The following ATL1 variants were observed in gnomAD, a reference collection of about 807,000 sequenced individuals.
ATL1 encodes atlastin-1.
In ATL1, 31 loss-of-function variants were observed where a neutral mutation model predicts 75.5. The ratio of observed to expected loss-of-function variants is 0.41; its 90% confidence interval spans 0.31 to 0.55. The LOEUF (loss-of-function observed/expected upper bound fraction) is 0.55, where lower values mean the gene tolerates loss of function less well. ATL1 is among the 20% of genes least tolerant of loss of function. ATL1 has a pLI of 0.27. For synonymous variants in ATL1, 226 were observed against 233.3 expected, an observed-to-expected ratio of 0.97 and a Z score of 0.28; for missense variants, 405 against 662.6, an observed-to-expected ratio of 0.61 and a Z score of 4.27.
At chr14:50,547,865 T>A in intron 1 of ATL1, among the ~76,000 whole-genome samples, 1 of 152,232 alleles carries the variant, frequency 6.6e-6, no homozygotes. Context: ...GGAGGGCCAA[T>A]AATGGACTTT....
intron 1 of ATL1, among the ~76,000 whole-genome samples, chr14:50,551,367 G>A (rs2038700261): frequency 6.6e-6 from 1 of 151,944 alleles, no homozygotes; most frequent in African/African-American, 2.4e-5. Context: ...CAAGCAGTGA[G>A]ATTGAATCGA....
chr14:50,628,906 C>T (rs567309773), intron 12 of ATL1, among the ~76,000 whole-genome samples: 2 of 152,092 alleles, frequency 1.3e-5, no homozygotes, highest in East Asian at 3.9e-4. Context: ...TTTGTAGAAA[C>T]GGGGTTTCAC....
chr14:50,584,281 G>A (rs1354388819), intron 1 of ATL1, among the ~76,000 whole-genome samples: 1 of 152,176 alleles, frequency 6.6e-6, no homozygotes, highest in Admixed American at 6.5e-5. Flanking sequence ...GGGAGGTTGA[G>A]GTGGGAGGAT....
In ATL1 at chr14:50,587,867, A is replaced by C; in HGVS notation, c.71A>C (p.Glu24Ala). The C allele has an allele frequency of 1.2e-6, 2 of 1,614,196 alleles. No individual in the cohort carries two copies. Among genetic ancestry groups the C allele is most frequent in the South Asian group, 2.2e-5 (2 of 91,080 alleles). The change falls in exon 2 of 14, where the codon GAA becomes GCA. Residue 24 changes from glutamate to alanine, a missense_variant. By Grantham distance (107) the Glu-to-Ala change is moderately radical (BLOSUM62 -1). This residue lies in a region of ATL1 where 126 missense variants were observed against 172.0 expected (regional missense o/e 0.73). Coordinates refer to ENST00000358385, the MANE Select transcript of ATL1 (RefSeq NM_015915.5). ...GAAAAGACATATGAATGGAGCTCAGAAGAGGAGGAGCCAGTGAAAAAGGCA... is the reference window on the plus strand; with the variant it reads ...GAAAAGACATATGAATGGAGCTCAGCAGAGGAGGAGCCAGTGAAAAAGGCA... Reference protein sequence around the residue: ...FSEKTYEWSSEEEEPVKKAGP... With the variant: ...FSEKTYEWSSAEEEPVKKAGP...
intron 1 of ATL1, among the ~76,000 whole-genome samples, chr14:50,574,002 G>C (rs556971062): frequency 1.3e-5 from 2 of 152,210 alleles, no homozygotes; most frequent in South Asian, 4.2e-4. Flanking sequence ...TACTGAGCTG[G>C]GGTAGCTGGG....
chr14:50,596,354 T>C (rs1269473839), intron 6 of ATL1, among the ~76,000 whole-genome samples: 1 of 151,734 alleles, frequency 6.6e-6, no homozygotes, highest in Non-Finnish European at 1.5e-5. Flanking sequence ...TCAAAATATA[T>C]AAAGATCAAT....
intron 1 of ATL1, among the ~76,000 whole-genome samples, chr14:50,577,434 C>T (rs937599584): frequency 6.6e-6 from 1 of 152,060 alleles, no homozygotes; most frequent in African/African-American, 2.4e-5. Context: ...TCTAGTTTTT[C>T]GGTTTTGTTA....
intron 12 of ATL1, 112 bp from the exon 13 acceptor site, chr14:50,629,883 A>ACCTGT (rs2039562321): frequency 1.7e-5 from 6 of 348,636 alleles, no homozygotes; most frequent in Non-Finnish European, 2.2e-5. Flanking sequence ...CTGCAGGAGT[A>ACCTGT]TCTGTTCTGA....
At chr14:50,580,911 T>C (rs374446475) in intron 1 of ATL1, among the ~76,000 whole-genome samples, 3 of 152,056 alleles carry the variant, frequency 2.0e-5, no homozygotes, top group African/African-American at 7.2e-5. Flanking sequence ...ATTTGTCTTA[T>C]GTGGTTTTTT....
At chr14:50,611,415 A>G (rs898126907) in intron 6 of ATL1, among the ~76,000 whole-genome samples, 5 of 152,138 alleles carry the variant, frequency 3.3e-5, no homozygotes, top group African/African-American at 9.6e-5. Flanking sequence ...GTATCTTTCA[A>G]TGTTTATTAC....
At chr14:50,612,565 T>C (rs954327505) in intron 6 of ATL1, among the ~76,000 whole-genome samples, 10 of 152,192 alleles carry the variant, frequency 6.6e-5, no homozygotes, top group South Asian at 2.1e-4. Flanking sequence ...ATCTTCCTTT[T>C]AGTCAGTTAA....
At chr14:50,574,681 T>C (rs1288397290) in intron 1 of ATL1, among the ~76,000 whole-genome samples, 17 of 151,992 alleles carry the variant, frequency 1.1e-4, no homozygotes, top group Admixed American at 1.1e-3. Flanking sequence ...TATTTTCTTA[T>C]GATTAGGTTT....
chr14:50,591,676 C>G, intron 4 of ATL1, 37 bp downstream of exon 4: 2 of 1,452,640 alleles, frequency 1.4e-6, no homozygotes, highest in Non-Finnish European at 1.9e-6. Flanking sequence ...GTTTCTTTAA[C>G]TAAAAATTAT....
chr14:50,602,559 T>C (rs2039280791), intron 6 of ATL1, among the ~76,000 whole-genome samples: 1 of 152,138 alleles, frequency 6.6e-6, no homozygotes, highest in East Asian at 1.9e-4. Flanking sequence ...GTGTTTTAGA[T>C]GTCAATACAT....
intron 1 of ATL1, among the ~76,000 whole-genome samples, chr14:50,546,215 C>A (rs2038629858): frequency 6.6e-6 from 1 of 152,132 alleles, no homozygotes; most frequent in Admixed American, 6.5e-5. Context: ...TTGTCCACAG[C>A]CTTCACTGGA....
At chr14:50,558,284 G>C (rs1341597507), upstream of ATL1, among the ~76,000 whole-genome samples, 1 of 152,156 alleles carries the variant, frequency 6.6e-6, no homozygotes, top group Non-Finnish European at 1.5e-5. Context: ...GCTTGAACCT[G>C]GGAGGTGGAG....
chr14:50,605,105 A>C (rs2039304969), intron 6 of ATL1, among the ~76,000 whole-genome samples: 1 of 152,002 alleles, frequency 6.6e-6, no homozygotes, highest in African/African-American at 2.4e-5. Context: ...GGAAGGATTG[A>C]TCTGCCCTCC....
At chr14:50,610,788 G>A (rs1197802342) in intron 6 of ATL1, among the ~76,000 whole-genome samples, 1 of 152,130 alleles carries the variant, frequency 6.6e-6, no homozygotes, top group Non-Finnish European at 1.5e-5. Context: ...AGAGATTCAA[G>A]TTTTGCCTCT....
intron 3 of ATL1, 24 bp from the exon 4 acceptor site, chr14:50,591,511 A>G (rs754547671): frequency 1.1e-5 from 17 of 1,494,296 alleles, no homozygotes; most frequent in South Asian, 3.4e-5. Context: ...TAAAATATCA[A>G]TAATGTACTC....
Sources: allele counts gnomAD v4.1 joint callset (sites outside exome capture counted in the v4.1 genomes callset), GRCh38; gene constraint gnomAD v4.1.1; regional missense constraint gnomAD v4.1.1; transcripts MANE v1.5; gene names NCBI Gene and HGNC (gene_info 2026-07-23, HGNC 2026-07-21).